The following GABBR2 variants were observed in gnomAD, a reference collection of about 807,000 sequenced individuals.
GABBR2 encodes gamma-aminobutyric acid type B receptor subunit 2.
GABBR2 carries 23 observed loss-of-function variants against 105.6 expected under a neutral mutation model. The ratio of observed to expected loss-of-function variants is 0.22; its 90% confidence interval spans 0.16 to 0.31. The LOEUF is 0.31. GABBR2 is among the 10% of genes least tolerant of loss of function. The probability of loss-of-function intolerance (pLI) is 1.00; values close to 1 mark genes in which losing one functional copy is unlikely to be tolerated. For synonymous variants in GABBR2, 478 were observed against 499.7 expected, an observed-to-expected ratio of 0.96 and a Z score of 0.58; for missense variants, 734 against 1,245.5, an observed-to-expected ratio of 0.59 and a Z score of 6.18.
chr9:98,689,880 A>ATTCTGAC (rs535105089), intron 1 of GABBR2, among the ~76,000 whole-genome samples: 2 of 152,210 alleles, frequency 1.3e-5, no homozygotes, highest in Non-Finnish European at 2.9e-5. Flanking sequence ...CTACTCTGAC[A>ATTCTGAC]TTCTGACTTC....
chr9:98,680,592 A>G (rs1292734388), intron 1 of GABBR2, among the ~76,000 whole-genome samples: 1 of 152,152 alleles, frequency 6.6e-6, no homozygotes, highest in Non-Finnish European at 1.5e-5. Flanking sequence ...TACAGGCATG[A>G]GCCACCATGC....
At chr9:98,392,351 C>T (rs1832196453) in intron 9 of GABBR2, among the ~76,000 whole-genome samples, 1 of 152,216 alleles carries the variant, frequency 6.6e-6, no homozygotes, top group African/African-American at 2.4e-5. Flanking sequence ...TTCAGTAAAC[C>T]CTGATCTCCC....
At chr9:98,635,096 C>T (rs1829859718) in intron 1 of GABBR2, among the ~76,000 whole-genome samples, 1 of 152,226 alleles carries the variant, frequency 6.6e-6, no homozygotes, top group Admixed American at 6.5e-5. Context: ...AATAATGTAA[C>T]TTACTCGAAA....
intron 1 of GABBR2, among the ~76,000 whole-genome samples, chr9:98,641,761 G>A (rs1039383876): frequency 1.3e-5 from 2 of 152,136 alleles, no homozygotes; most frequent in Non-Finnish European, 2.9e-5. Context: ...AAACAAGACC[G>A]TGAGCTCCTT....
At chr9:98,405,584 T>C (rs1832476184) in intron 8 of GABBR2, among the ~76,000 whole-genome samples, 2 of 152,310 alleles carry the variant, frequency 1.3e-5, no homozygotes, top group South Asian at 4.1e-4. Context: ...CATGGAGGAT[T>C]GGTTCCAGGA....
chr9:98,637,258 C>T (rs762938994), intron 1 of GABBR2, among the ~76,000 whole-genome samples: 12 of 152,120 alleles, frequency 7.9e-5, no homozygotes, highest in Admixed American at 3.3e-4. Context: ...GTGCTGCATG[C>T]GAAAAGGGAG....
At chr9:98,371,410 G>T in intron 12 of GABBR2, 54 bp downstream of exon 12, 1 of 957,106 alleles carries the variant, frequency 1.0e-6, no homozygotes, top group Non-Finnish European at 1.7e-6. Flanking sequence ...ATACTTGCTA[G>T]ATAAATGCTG....
intron 2 of GABBR2, among the ~76,000 whole-genome samples, chr9:98,561,282 G>T (rs1321198959): frequency 1.7e-5 from 2 of 114,726 alleles, no homozygotes; most frequent in South Asian, 3.2e-4. Flanking sequence ...ATATTTTCAA[G>T]CTCATTCCAC....
intron 4 of GABBR2, among the ~76,000 whole-genome samples, chr9:98,488,207 T>A (rs994263027): frequency 2.0e-5 from 3 of 152,184 alleles, no homozygotes; most frequent in Non-Finnish European, 4.4e-5. Flanking sequence ...GATAAATTTG[T>A]GTTGCTTGAA....
intron 1 of GABBR2, among the ~76,000 whole-genome samples, chr9:98,626,610 T>A (rs965037302): frequency 1.3e-4 from 20 of 152,208 alleles, no homozygotes; most frequent in Non-Finnish European, 2.6e-4. Flanking sequence ...ACAATACTTA[T>A]ATCTCTTAGG....
At chr9:98,396,389 C>A (rs1832290726) in intron 8 of GABBR2, among the ~76,000 whole-genome samples, 1 of 152,222 alleles carries the variant, frequency 6.6e-6, no homozygotes, top group Non-Finnish European at 1.5e-5. Context: ...AGGTGCACTG[C>A]TGGCCCTTAG....
intron 1 of GABBR2, chr9:98,607,635 T>C (rs1829447447): frequency 9.6e-6 from 7 of 726,252 alleles, no homozygotes; most frequent in Non-Finnish European, 1.8e-5. Context: ...CTTGGGGTAT[T>C]GCTGAAGTTG....
intron 7 of GABBR2, among the ~76,000 whole-genome samples, chr9:98,425,161 G>A (rs573325209): frequency 6.6e-6 from 1 of 152,022 alleles, no homozygotes; most frequent in South Asian, 2.1e-4. Context: ...TACCAAAAAA[G>A]GTACAATTGG....
At chr9:98,475,809 CT>C (rs1826780716) in intron 5 of GABBR2, among the ~76,000 whole-genome samples, 1 of 152,104 alleles carries the variant, frequency 6.6e-6, no homozygotes, top group Non-Finnish European at 1.5e-5. Context: ...TGGCTCATGC[CT>C]ATAGCACTTT....
intron 1 of GABBR2, among the ~76,000 whole-genome samples, chr9:98,600,727 G>A (rs1445035976): frequency 2.0e-5 from 3 of 152,192 alleles, no homozygotes; most frequent in Admixed American, 6.5e-5. Flanking sequence ...CCATCGTTGC[G>A]TGGCCCCTCA....
At chr9:98,684,170 A>T (rs3032195) in intron 1 of GABBR2, among the ~76,000 whole-genome samples, 472 of 5,234 alleles carry the variant, frequency 0.09, 16 homozygotes, top group Middle Eastern at 0.33. Flanking sequence ...TTACCACGGT[A>T]AAAAAAAAAA....
chr9:98,610,643 C>A (rs538925431), intron 1 of GABBR2, among the ~76,000 whole-genome samples: 11 of 152,226 alleles, frequency 7.2e-5, no homozygotes, highest in Admixed American at 5.2e-4. Context: ...TGGAACCCTG[C>A]AGACCCAAGT....
intron 11 of GABBR2, among the ~76,000 whole-genome samples, chr9:98,372,701 A>G (rs1378087664): frequency 1.3e-5 from 2 of 152,150 alleles, no homozygotes. Flanking sequence ...GTTTCCAAGA[A>G]ATGTTCCCAG....
intron 3 of GABBR2, among the ~76,000 whole-genome samples, chr9:98,496,931 C>T (rs1445548169): frequency 6.6e-6 from 1 of 152,074 alleles, no homozygotes; most frequent in Non-Finnish European, 1.5e-5. Context: ...TATTCAAAGA[C>T]AATATAGAGT....
Sources: gnomAD v4.1 joint callset for allele counts (sites outside exome capture counted in the v4.1 genomes callset) on GRCh38, gnomAD v4.1.1 for gene constraint, MANE v1.5 for transcripts, NCBI Gene and HGNC (gene_info 2026-07-23, HGNC 2026-07-21) for gene names.